GRID2: variants seen among roughly 807,000 people sequenced by gnomAD.
The protein encoded by GRID2 is glutamate receptor ionotropic, delta-2.
In GRID2, 33 loss-of-function variants were observed where a neutral mutation model predicts 114.8. The ratio of observed to expected loss-of-function variants is 0.29; its 90% confidence interval spans 0.22 to 0.38. GRID2 has a LOEUF of 0.38. GRID2 is among the 10% of genes least tolerant of loss of function. The probability of loss-of-function intolerance (pLI) is 1.00; values close to 1 mark genes in which losing one functional copy is unlikely to be tolerated. For synonymous variants in GRID2, 505 were observed against 449.9 expected, an observed-to-expected ratio of 1.12 and a Z score of -1.55; for missense variants, 1,184 against 1,257.7, an observed-to-expected ratio of 0.94 and a Z score of 0.89.
At chr4:93,312,941 A>C (rs1756178734) in intron 8 of GRID2, among the ~76,000 whole-genome samples, 1 of 152,200 alleles carries the variant, frequency 6.6e-6, no homozygotes, top group Non-Finnish European at 1.5e-5. Flanking sequence ...AAATGCTCAA[A>C]TATGGAGTTT....
At chr4:92,546,572 A>T (rs1283903957) in intron 1 of GRID2, among the ~76,000 whole-genome samples, 1 of 152,192 alleles carries the variant, frequency 6.6e-6, no homozygotes, top group African/African-American at 2.4e-5. Flanking sequence ...GTGTGCATGC[A>T]CCTGCACGTG....
At position 93,587,977 on chromosome 4, in the gene GRID2, G is replaced by A. The variant is rs1161581797; in HGVS notation, c.2194-38292G>A. On this transcript the variant is annotated intron_variant, in intron 13 of 15. Coordinates refer to ENST00000282020, the MANE Select transcript of GRID2 (RefSeq NM_001510.4). ...CCCAGGGATGATCCAAGAATCCAGA[G>A]ATAATAATCCTATATTAACCTTTGC... Among the ~76,000 whole-genome samples the A allele has an allele frequency of 8.5e-5, 13 of 152,102 alleles. 1 individual carries two copies. The highest frequency in any genetic ancestry group is 8.5e-4 in the Admixed American group (13 of 15,264).
chr4:93,469,603 C>T (rs1724614007), intron 11 of GRID2, among the ~76,000 whole-genome samples: 1 of 152,074 alleles, frequency 6.6e-6, no homozygotes, highest in Non-Finnish European at 1.5e-5. Context: ...CCAAGGCCAA[C>T]TCTTTCCATT....
At chr4:92,982,166 G>A (rs1364410512) in intron 2 of GRID2, among the ~76,000 whole-genome samples, 1 of 151,708 alleles carries the variant, frequency 6.6e-6, no homozygotes, top group Non-Finnish European at 1.5e-5. Context: ...ACTGTGAAAT[G>A]GTCAAAATGA....
intron 2 of GRID2, among the ~76,000 whole-genome samples, chr4:93,027,347 A>G (rs1480765122): frequency 6.6e-6 from 1 of 152,098 alleles, no homozygotes; most frequent in Non-Finnish European, 1.5e-5. Flanking sequence ...TCTCAAAGGA[A>G]GCATTGAAGA....
chr4:93,421,642 A>G (rs2149366702), intron 9 of GRID2, among the ~76,000 whole-genome samples: 1 of 152,262 alleles, frequency 6.6e-6, no homozygotes, highest in Middle Eastern at 3.4e-3. Context: ...AAAAGGCACT[A>G]CTGAGGCAAA....
chr4:93,305,615 A>G (rs1755335461), intron 8 of GRID2, among the ~76,000 whole-genome samples: 1 of 152,186 alleles, frequency 6.6e-6, no homozygotes, highest in Admixed American at 6.5e-5. Context: ...GTAGGGAAAT[A>G]TTGGACAGAA....
chr4:92,347,327 G>A (rs949478818), intron 1 of GRID2, among the ~76,000 whole-genome samples: 5 of 152,156 alleles, frequency 3.3e-5, no homozygotes, highest in Non-Finnish European at 7.4e-5. Context: ...CATGCAATAT[G>A]TGTGTGTGTA....
At chr4:92,721,264 A>C (rs1211297418) in intron 2 of GRID2, among the ~76,000 whole-genome samples, 1 of 152,094 alleles carries the variant, frequency 6.6e-6, no homozygotes, top group Non-Finnish European at 1.5e-5. Flanking sequence ...GCTTAATGTC[A>C]CTAAGCTGTA....
intron 2 of GRID2, among the ~76,000 whole-genome samples, chr4:92,949,691 A>G (rs530368441): frequency 3.3e-5 from 5 of 151,870 alleles, no homozygotes; most frequent in South Asian, 4.2e-4. Flanking sequence ...GGAGCACTCA[A>G]TGAGGTCAAA....
At chr4:92,785,519 CA>C (rs1739281259) in intron 2 of GRID2, among the ~76,000 whole-genome samples, 1 of 151,270 alleles carries the variant, frequency 6.6e-6, no homozygotes, top group South Asian at 2.1e-4. Flanking sequence ...GTATTCTAAC[CA>C]AAAATACAAT....
intron 2 of GRID2, among the ~76,000 whole-genome samples, chr4:92,790,342 T>C (rs1739522477): frequency 1.3e-5 from 2 of 151,878 alleles, no homozygotes; most frequent in African/African-American, 4.8e-5. Flanking sequence ...ACAAATCTCA[T>C]ATTTCTCAAT....
rs556829777 is a variant in GRID2, at chr4:93,311,278, G to A, written c.1245+72788G>A. ...CTAATGGGGTTTGAAGAGGAAGGCG[G>A]CATGGAAACTATGTGCAGGAGTGAT... On this transcript the variant is annotated intron_variant, in intron 8 of 15. Transcript: ENST00000282020. Among the ~76,000 whole-genome samples the A allele has an allele frequency of 2.8e-4, 42 of 152,102 alleles. 1 individual carries two copies. The highest frequency in any genetic ancestry group is 2.1e-4 in the South Asian group (1 of 4,826).
intron 1 of GRID2, among the ~76,000 whole-genome samples, chr4:92,341,373 T>C (rs1727481072): frequency 6.6e-6 from 1 of 152,192 alleles, no homozygotes; most frequent in African/African-American, 2.4e-5. Context: ...GAGATGGCAG[T>C]TCTCCACTGA....
chr4:92,573,535 G>T (rs1439013729), intron 1 of GRID2, among the ~76,000 whole-genome samples: 3 of 152,230 alleles, frequency 2.0e-5, no homozygotes, highest in Admixed American at 6.5e-5. Context: ...TAGTTACAAA[G>T]AACTTGTTTG....
intron 8 of GRID2, among the ~76,000 whole-genome samples, chr4:93,273,641 C>T (rs1751744192): frequency 6.6e-6 from 1 of 151,800 alleles, no homozygotes; most frequent in Non-Finnish European, 1.5e-5. Context: ...TAACATGGGA[C>T]CTAAAAGGGA....
intron 4 of GRID2, among the ~76,000 whole-genome samples, chr4:93,131,151 T>TTTTTTTTTTTTTTTA (rs1734764615): frequency 7.3e-6 from 1 of 136,578 alleles, no homozygotes; most frequent in Non-Finnish European, 1.6e-5. Flanking sequence ...AATAATTTTT[T>TTTTTTTTTTTTTTTA]TTTTTTTTTT....
At chr4:93,600,833 A>C (rs1739602089) in intron 13 of GRID2, among the ~76,000 whole-genome samples, 1 of 152,226 alleles carries the variant, frequency 6.6e-6, no homozygotes, top group Non-Finnish European at 1.5e-5. Flanking sequence ...CAATACTGCA[A>C]GAAATAATAA....
At chr4:92,711,206 C>T (rs942943278) in intron 2 of GRID2, among the ~76,000 whole-genome samples, 1 of 151,646 alleles carries the variant, frequency 6.6e-6, no homozygotes, top group African/African-American at 2.4e-5. Flanking sequence ...GTATTCAGAC[C>T]CTTTAGAGAC....
Sources: gnomAD v4.1 joint callset for allele counts (sites outside exome capture counted in the v4.1 genomes callset) on GRCh38, gnomAD v4.1.1 for gene constraint, MANE v1.5 for transcripts, NCBI Gene and HGNC (gene_info 2026-07-23, HGNC 2026-07-21) for gene names.